The following RBFOX1 variants were observed in gnomAD, a reference collection of about 807,000 sequenced individuals.
RBFOX1 encodes the protein RNA binding fox-1 homolog 1.
Under a neutral mutation model 57.7 loss-of-function variants are expected in RBFOX1, and 8 were observed. The ratio of observed to expected loss-of-function variants is 0.14; its 90% CI spans 0.08 to 0.25. The LOEUF is 0.25. Ranked by LOEUF, RBFOX1 falls within the 10% of genes least tolerant of loss-of-function variation. The probability of loss-of-function intolerance (pLI) is 1.00; values close to 1 mark genes in which losing one functional copy is unlikely to be tolerated. For missense variants in RBFOX1, 611 were observed against 548.5 expected, an observed-to-expected ratio of 1.11 and a Z score of -1.14; for synonymous variants, 326 against 222.4, an observed-to-expected ratio of 1.47 and a Z score of -4.15.
chr16:5,768,238 G>T (rs1231977117), intron 3 of RBFOX1, among the ~76,000 whole-genome samples: 2 of 152,160 alleles, frequency 1.3e-5, no homozygotes, highest in Non-Finnish European at 2.9e-5. Flanking sequence ...AATGAGATAC[G>T]TGAACCCATT....
intron 1 of RBFOX1, among the ~76,000 whole-genome samples, chr16:6,142,278 ATGGCGTGATCT>A (rs2096723642): frequency 6.9e-6 from 1 of 144,934 alleles, no homozygotes; most frequent in Middle Eastern, 3.5e-3. Flanking sequence ...CTGGAGTGAA[ATGGCGTGATCT>A]TGGCTCACTG....
intron 4 of RBFOX1, among the ~76,000 whole-genome samples, chr16:7,429,157 G>C (rs1193484354): frequency 1.3e-5 from 2 of 152,182 alleles, no homozygotes; most frequent in African/African-American, 4.8e-5. Context: ...TGTGAACACT[G>C]TGAATATAAT....
chr16:5,980,296 C>G (rs1304821480), intron 4 of RBFOX1, among the ~76,000 whole-genome samples: 1 of 152,216 alleles, frequency 6.6e-6, no homozygotes, highest in Non-Finnish European at 1.5e-5. Context: ...GACTAGGCCA[C>G]AGCTTGCAGA....
intron 3 of RBFOX1, among the ~76,000 whole-genome samples, chr16:5,637,463 C>T (rs2048719485): frequency 6.6e-6 from 1 of 152,174 alleles, no homozygotes; most frequent in African/African-American, 2.4e-5. Flanking sequence ...AGGAATAAAA[C>T]CTCCTCATAG....
intron 5 of RBFOX1, among the ~76,000 whole-genome samples, chr16:7,561,877 TA>T (rs970347128): frequency 9.2e-5 from 14 of 152,100 alleles, no homozygotes; most frequent in African/African-American, 2.2e-4. Context: ...CATAATATAT[TA>T]GGGGGGAAAT....
chr16:6,228,206 G>T (rs11642900), intron 1 of RBFOX1, among the ~76,000 whole-genome samples: 9,781 of 152,122 alleles, frequency 0.064, 355 homozygotes, highest in Middle Eastern at 0.18. Flanking sequence ...AGCTACTCGG[G>T]GCCGGGGGAG....
rs189869166 is a variant in RBFOX1 at position 7,241,112 on chromosome 16, G to T, written c.27+189014G>T. On this transcript the variant is annotated intron_variant, in intron 4 of 15. Coordinates refer to ENST00000550418, the MANE Select transcript of RBFOX1 (RefSeq NM_018723.4). ...TATTTATATCAGATTGCCATTTCTG[G>T]CTTGAGACCCGAGGCAGAAGTATCC... 2.6e-5 allele frequency among the ~76,000 whole-genome samples: 4 copies of T among 152,220 alleles called. No homozygotes were observed. The East Asian group carries it at 7.7e-4, about 29-fold the overall frequency.
At position 7,216,474 on chromosome 16, in the gene RBFOX1, G is replaced by A. The variant is rs1237452652; in HGVS notation, c.27+164376G>A. On this transcript the variant is annotated intron_variant, in intron 4 of 15. Transcript: ENST00000550418. Reference sequence around the variant, plus strand: ...GTTCTAGACCAGTCTGGGAGTCAGAGTGAGACCTTGTCGCTAAAAATTTTT... The same window carrying A: ...GTTCTAGACCAGTCTGGGAGTCAGAATGAGACCTTGTCGCTAAAAATTTTT... 6.6e-5 allele frequency among the ~76,000 whole-genome samples: 10 copies of A among 152,276 alleles called. No homozygotes were observed. In the East Asian group the frequency reaches 1.4e-3, roughly 21 times the overall value.
chr16:7,030,582 G>C (rs890397567), intron 3 of RBFOX1, among the ~76,000 whole-genome samples: 2 of 152,108 alleles, frequency 1.3e-5, no homozygotes, highest in Non-Finnish European at 2.9e-5. Flanking sequence ...TTGTTTCTCT[G>C]TGTGTTCTTT....
chr16:5,874,562 T>A (rs1182479959), intron 4 of RBFOX1, among the ~76,000 whole-genome samples: 1 of 152,110 alleles, frequency 6.6e-6, no homozygotes, highest in Non-Finnish European at 1.5e-5. Context: ...TGGATACATT[T>A]TGAAGGAGAA....
At chr16:5,899,212 G>C (rs12446807) in intron 4 of RBFOX1, among the ~76,000 whole-genome samples, 21 of 150,812 alleles carry the variant, frequency 1.4e-4, no homozygotes, top group Admixed American at 6.6e-4. Context: ...ACACTCTTCA[G>C]GTGTTGATAT....
intron 2 of RBFOX1, among the ~76,000 whole-genome samples, chr16:6,470,844 A>G (rs1435242954): frequency 6.6e-6 from 1 of 152,014 alleles, no homozygotes; most frequent in Non-Finnish European, 1.5e-5. Context: ...TCTTTCAGTG[A>G]GTCTTGTCAA....
chr16:6,533,047 A>C (rs145274672), intron 2 of RBFOX1, among the ~76,000 whole-genome samples: 9 of 152,324 alleles, frequency 5.9e-5, no homozygotes, highest in African/African-American at 1.9e-4. Context: ...CTGATGCATC[A>C]CATGCTCTGT....
At chr16:6,842,792 G>C (rs1343840456) in intron 3 of RBFOX1, among the ~76,000 whole-genome samples, 1 of 151,896 alleles carries the variant, frequency 6.6e-6, no homozygotes. Context: ...GCATGCATTA[G>C]GTATTTGTCC....
intron 2 of RBFOX1, among the ~76,000 whole-genome samples, chr16:6,434,149 C>T (rs72760923): frequency 1.3e-5 from 2 of 152,006 alleles, no homozygotes; most frequent in Non-Finnish European, 2.9e-5. Flanking sequence ...TGCCTGGTCA[C>T]TTCTAAGGGC....
In RBFOX1 at chr16:6,668,596, T is replaced by G. The variant is rs571138657; in HGVS notation, c.-16+13946T>G. On this transcript the variant is annotated intron_variant, in intron 3 of 15. Coordinates refer to ENST00000550418, the MANE Select transcript of RBFOX1 (RefSeq NM_018723.4). ...GCCTTTCCTAGGTGCTCGAGAAGCC[T>G]TCTCTGTTGATTACATTATGGTAGC... Among the ~76,000 whole-genome samples, 6 of 152,330 alleles carry G rather than the reference T, an allele frequency of 3.9e-5. 1 individual carries two copies. The South Asian group carries it at 1.0e-3, about 26-fold the overall frequency.
intron 4 of RBFOX1, among the ~76,000 whole-genome samples, chr16:5,872,592 C>G (rs564663500): frequency 2.0e-5 from 3 of 151,692 alleles, no homozygotes; most frequent in Non-Finnish European, 4.4e-5. Flanking sequence ...AAAAAATTGG[C>G]AGGTGTGGTG....
At chr16:7,451,753 A>G (rs757068034) in intron 4 of RBFOX1, among the ~76,000 whole-genome samples, 25 of 139,750 alleles carry the variant, frequency 1.8e-4, no homozygotes, top group Non-Finnish European at 3.6e-4. Flanking sequence ...TTTATTTCTC[A>G]TTTTGTAGAG....
At chr16:5,529,552 A>G (rs1014245721) in intron 2 of RBFOX1, among the ~76,000 whole-genome samples, 1 of 146,400 alleles carries the variant, frequency 6.8e-6, no homozygotes, top group African/African-American at 2.6e-5. Context: ...GTGCACCACC[A>G]TGCTTGGCTC....
Sources: allele counts gnomAD v4.1 joint callset (sites outside exome capture counted in the v4.1 genomes callset), GRCh38; gene constraint gnomAD v4.1.1; transcripts MANE v1.5; gene names NCBI Gene and HGNC (gene_info 2026-07-23, HGNC 2026-07-21).